FANCB: variants seen among roughly 807,000 people sequenced by gnomAD.
The protein encoded by FANCB is Fanconi anemia group B protein.
Under a neutral mutation model 38.9 loss-of-function variants are expected in FANCB, and 5 were observed. The observed-to-expected ratio is 0.13, with a 90% CI of 0.07 to 0.27. FANCB has a LOEUF of 0.27. Among genes scored for constraint, FANCB ranks in the 10% least tolerant of loss-of-function variants. FANCB has a pLI of 1.00. For synonymous variants in FANCB, 236 were observed against 215.4 expected (o/e 1.10, Z -0.84); for missense variants, 573 against 602.7 (o/e 0.95, Z 0.52).
chrX:14,706,194 C>T, the FANCB span, among the ~76,000 whole-genome samples: 1 of 111,539 alleles, frequency 9.0e-6, no homozygotes, highest in African/African-American at 3.3e-5. Flanking sequence ...ATCTGTTGAC[C>T]AGCAGCATCA....
At position 14,843,995 on chromosome X, in the gene FANCB, A is replaced by C; in HGVS notation, c.2166-14T>G. ...ACTGTTTGATTCCTAAAATAAAAAA[A>C]CAAACAAAATATTACAAAAATTAGG... On this transcript the variant is annotated splice_polypyrimidine_tract_variant and intron_variant, in intron 9 of 9. Coordinates refer to ENST00000650831, the MANE Select transcript of FANCB (RefSeq NM_001018113.3). 1 of 1,194,523 alleles carries C rather than the reference A, an allele frequency of 8.4e-7. No individual in the cohort carries two copies. The highest frequency in any genetic ancestry group is 1.1e-6 in the Non-Finnish European group (1 of 881,432).
the FANCB span, among the ~76,000 whole-genome samples, chrX:14,791,856 AC>A: frequency 8.9e-6 from 1 of 111,769 alleles, no homozygotes; most frequent in Admixed American, 9.5e-5. Context: ...TTGTTAATAT[AC>A]CTTTTCTTCC....
At chrX:14,852,963 C>T in intron 6 of FANCB, 76 bp downstream of exon 6, 2 of 956,056 alleles carry the variant, frequency 2.1e-6, no homozygotes, top group East Asian at 3.2e-5. Flanking sequence ...TCTAATATTC[C>T]AATTTAAATA....
chrX:14,861,371 G>A (rs2092446226), intron 3 of FANCB, among the ~76,000 whole-genome samples: 1 of 111,618 alleles, frequency 9.0e-6, no homozygotes, highest in South Asian at 3.7e-4. Context: ...GTTGATCTGG[G>A]AAAACACTAA....
At chrX:14,815,228 G>A in the FANCB span, among the ~76,000 whole-genome samples, 1 of 110,529 alleles carries the variant, frequency 9.0e-6, no homozygotes, top group Non-Finnish European at 1.9e-5. Flanking sequence ...TAAATGACGA[G>A]TTACTGGGTG....
the FANCB span, among the ~76,000 whole-genome samples, chrX:14,785,498 C>T: frequency 8.9e-5 from 10 of 112,160 alleles, no homozygotes; most frequent in African/African-American, 3.2e-4. Flanking sequence ...TATCAGCATA[C>T]TCTCCTTGCA....
chrX:14,851,539 C>G (rs2092401760), intron 6 of FANCB, among the ~76,000 whole-genome samples: 1 of 111,668 alleles, frequency 9.0e-6, no homozygotes, highest in Non-Finnish European at 1.9e-5. Context: ...TAAATATGTT[C>G]CCAGGAATCT....
chrX:14,855,903 G>C (rs1479933127), intron 5 of FANCB, among the ~76,000 whole-genome samples: 1 of 111,966 alleles, frequency 8.9e-6, no homozygotes, highest in Non-Finnish European at 1.9e-5. Flanking sequence ...AGCCTTGAAA[G>C]TTTGATTTGA....
chrX:14,845,161 A>G lies in FANCB; in HGVS notation c.1622T>C (p.Met541Thr). ...STNPFPAPYL[M>T]PCEIGLEAKR... ...TGCTTCCAATCCTATTTCACATGGC[A>G]TCAAGTATGGTGCTGGGAAAGGATT... Residue 541 changes from methionine (M) to threonine (T), a missense_variant, in exon 8 of 10, where the codon ATG becomes ACG. Coordinates refer to ENST00000650831, the MANE Select transcript of FANCB (RefSeq NM_001018113.3). 8.3e-7 allele frequency: 1 copy of G among 1,211,047 alleles called. No homozygotes were observed. The highest frequency in any genetic ancestry group is 1.1e-6 in the Non-Finnish European group (1 of 894,871).
At chrX:14,758,261 C>G in the FANCB span, among the ~76,000 whole-genome samples, 1 of 111,414 alleles carries the variant, frequency 9.0e-6, no homozygotes, top group South Asian at 3.8e-4. Flanking sequence ...ACCTTTCCCC[C>G]TCTTAATGAT....
chrX:14,813,781 C>CA, the FANCB span, among the ~76,000 whole-genome samples: 6 of 111,732 alleles, frequency 5.4e-5, no homozygotes, highest in African/African-American at 2.0e-4. Flanking sequence ...ATGCCATCCC[C>CA]ATCAAGCTAC....
the FANCB span, chrX:14,730,531 T>C: frequency 3.4e-5 from 31 of 908,370 alleles, no homozygotes; most frequent in African/African-American, 6.2e-4. Context: ...GTGTTGTGCT[T>C]GTAAATACAC....
At chrX:14,814,862 C>T in the FANCB span, among the ~76,000 whole-genome samples, 1 of 112,068 alleles carries the variant, frequency 8.9e-6, no homozygotes, top group Non-Finnish European at 1.9e-5. Context: ...TATAAAGACA[C>T]ATGCACACAT....
At chrX:14,731,378 A>T in the FANCB span, 1 of 111,781 alleles carries the variant, frequency 8.9e-6, no homozygotes, top group Non-Finnish European at 1.9e-5. Context: ...TTAATCGCCC[A>T]ACTGTGACTA....
At chrX:14,699,628 C>T in the FANCB span, among the ~76,000 whole-genome samples, 1 of 111,794 alleles carries the variant, frequency 8.9e-6, no homozygotes, top group Non-Finnish European at 1.9e-5. Flanking sequence ...TTATCATTAA[C>T]GATTTTCACC....
chrX:14,759,389 CAAG>C, the FANCB span, among the ~76,000 whole-genome samples: 1 of 111,152 alleles, frequency 9.0e-6, no homozygotes, highest in Non-Finnish European at 1.9e-5. Context: ...AAATGTATCG[CAAG>C]AAGATCATCA....
At chrX:14,804,641 AT>A in the FANCB span, among the ~76,000 whole-genome samples, 9 of 112,262 alleles carry the variant, frequency 8.0e-5, no homozygotes, top group African/African-American at 2.3e-4. Flanking sequence ...TAATAAAAAA[AT>A]AAAAATAAAA....
chrX:14,691,099 A>C, the FANCB span, among the ~76,000 whole-genome samples: 2 of 112,144 alleles, frequency 1.8e-5, no homozygotes, highest in African/African-American at 6.5e-5. Flanking sequence ...ACAAGAAACA[A>C]TTTTTAGTAT....
the FANCB span, among the ~76,000 whole-genome samples, chrX:14,745,052 G>A: frequency 3.8e-4 from 42 of 111,859 alleles, no homozygotes; most frequent in African/African-American, 1.3e-3. Context: ...GTGGCTGCAC[G>A]AACAGGAAGA....
Sources: gnomAD v4.1 joint callset for allele counts (sites outside exome capture counted in the v4.1 genomes callset) on GRCh38, gnomAD v4.1.1 for gene constraint, MANE v1.5 for transcripts, NCBI Gene and HGNC (gene_info 2026-07-23, HGNC 2026-07-21) for gene names.